FRY: variants seen among roughly 807,000 people sequenced by gnomAD.
The protein encoded by FRY is protein furry homolog.
In FRY, 128 loss-of-function variants were observed where a neutral mutation model predicts 348.4. The ratio of observed to expected loss-of-function variants is 0.37; its 90% CI spans 0.32 to 0.43. The LOEUF (loss-of-function observed/expected upper bound fraction) is 0.43, where lower values mean the gene tolerates loss of function less well. FRY is among the 20% of genes least tolerant of loss of function. The probability of loss-of-function intolerance (pLI) is 1.00; values close to 1 mark genes in which losing one functional copy is unlikely to be tolerated. For missense variants in FRY, 2,736 were observed against 3,695.2 expected (o/e 0.74, Z 6.73); for synonymous variants, 1,370 against 1,374.7 (o/e 1.00, Z 0.08).
chr13:32,158,653 C>T (rs978489206), intron 16 of FRY, among the ~76,000 whole-genome samples: 2 of 152,000 alleles, frequency 1.3e-5, no homozygotes, highest in Admixed American at 1.3e-4. Flanking sequence ...CATGGTGGCT[C>T]ACACCTGTAA....
At chr13:32,292,063 A>G (rs1219783636) in intron 59 of FRY, 2 of 445,330 alleles carry the variant, frequency 4.5e-6, no homozygotes, top group Non-Finnish European at 9.0e-6. Context: ...GCTCACTGCA[A>G]CTGCCACCTC....
At chr13:32,151,070 G>T (rs1299512534) in intron 14 of FRY, among the ~76,000 whole-genome samples, 1 of 152,172 alleles carries the variant, frequency 6.6e-6, no homozygotes, top group Non-Finnish European at 1.5e-5. Flanking sequence ...GCCTTCTCTT[G>T]CTGGGAAGGT....
intron 17 of FRY, among the ~76,000 whole-genome samples, chr13:32,164,084 C>A (rs78654690): frequency 0.022 from 3,345 of 152,214 alleles, 56 homozygotes; most frequent in Non-Finnish European, 0.033. Context: ...ACATAGAGTC[C>A]TATTAACCTG....
chr13:32,158,951 C>CAAA (rs35585320), intron 16 of FRY, among the ~76,000 whole-genome samples: 1,966 of 32,590 alleles, frequency 0.06, 93 homozygotes, highest in African/African-American at 0.082. Flanking sequence ...GCTGTTTCCT[C>CAAA]AAAAAAAAAA....
Position 32,239,295 on chromosome 13 carries a change from G to C in FRY, c.6462G>C (p.Gln2154His), listed in dbSNP as rs1886381970. ...TGTGTCTCCTGCCTCAGCTGATTCA[G>C]CATTTTGAAAATCCCAATCAGTTCT... ...NVLCLLPQLI[Q>H]HFENPNQFCK... The change falls in exon 45 of 61, where the codon CAG (glutamine) becomes CAC (histidine). Residue 2154 changes from glutamine (Q) to histidine (H), a missense_variant. Transcript: ENST00000542859. The surrounding 1 kb of genome is among the most constrained non-coding windows in gnomAD (Gnocchi z 4.3). 6.2e-7 allele frequency: 1 copy of C among 1,612,262 alleles called. No individual in the cohort carries two copies. The highest frequency in any genetic ancestry group is 8.5e-7 in the Non-Finnish European group (1 of 1,178,364).
chr13:32,273,605 C>T (rs1888332295), intron 55 of FRY, among the ~76,000 whole-genome samples: 1 of 152,138 alleles, frequency 6.6e-6, no homozygotes. Flanking sequence ...GAATTAGGCT[C>T]AGTTGAGACA....
intron 59 of FRY, among the ~76,000 whole-genome samples, chr13:32,293,237 A>AACCTAGATAAG (rs1390569699): frequency 6.6e-6 from 1 of 152,206 alleles, no homozygotes; most frequent in East Asian, 1.9e-4. Flanking sequence ...TACACACATA[A>AACCTAGATAAG]TGTTTAAAAC....
chr13:32,165,802 A>C (rs1881699598), intron 17 of FRY, among the ~76,000 whole-genome samples: 1 of 152,206 alleles, frequency 6.6e-6, no homozygotes, highest in South Asian at 2.1e-4. Context: ...AGCTTACCTT[A>C]CACAAGTGTT....
rs117130679 is a variant in FRY, at chr13:32,036,559, A to G, written c.70+4694A>G. On this transcript the variant is annotated intron_variant, in intron 1 of 60. Coordinates refer to ENST00000542859, the MANE Select transcript of FRY (RefSeq NM_023037.3). ...TATAAAATACTATGCTCCATGATTT[A>G]TATAGAGGGCAACCACAAAATTGTT... Among the ~76,000 whole-genome samples, 897 of 152,226 alleles carry G rather than the reference A, an allele frequency of 5.9e-3. 4 individuals are homozygous for G. The highest frequency in any genetic ancestry group is 9.3e-3 in the Non-Finnish European group (631 of 68,012).
chr13:32,274,622 T>G (rs562321445), intron 55 of FRY, among the ~76,000 whole-genome samples: 295 of 139,852 alleles, frequency 2.1e-3, no homozygotes, highest in Non-Finnish European at 3.4e-3. Context: ...GAGAATGGCG[T>G]GAACCTGGGA....
In FRY at chr13:32,096,802, CAAAAA is replaced by C. The variant is rs10680393; in HGVS notation, c.271-5142_271-5138del. Among the ~76,000 whole-genome samples, 4 of 77,604 alleles carry C rather than the reference CAAAAA, an allele frequency of 5.2e-5. No individual in the cohort carries two copies. The East Asian group carries it at 1.5e-3, about 29-fold the overall frequency. 50.9% of individuals were successfully genotyped at this position (77,604 alleles called of 152,430 possible). ...TGGGTGACAGAGCAAGACTCTGTCT[CAAAAA>C]AAAAAAAAAAAAAAAAAAGATAGTA... is the stretch of plus-strand genomic sequence containing the variant. On this transcript the variant is annotated intron_variant, in intron 2 of 60. Coordinates refer to ENST00000542859, the MANE Select transcript of FRY (RefSeq NM_023037.3).
chr13:32,148,474 C>T (rs1369860080), intron 13 of FRY, among the ~76,000 whole-genome samples: 1 of 152,172 alleles, frequency 6.6e-6, no homozygotes, highest in Non-Finnish European at 1.5e-5. Context: ...AAAAACAGGT[C>T]CAGTAATATT....
chr13:32,145,632 C>A (rs1880389789), intron 11 of FRY, among the ~76,000 whole-genome samples: 1 of 149,682 alleles, frequency 6.7e-6, no homozygotes, highest in Non-Finnish European at 1.5e-5. Flanking sequence ...GCAAGCTCCG[C>A]TTCCCGGGTT....
intron 11 of FRY, among the ~76,000 whole-genome samples, chr13:32,144,783 G>T (rs1880297605): frequency 6.6e-6 from 1 of 152,140 alleles, no homozygotes; most frequent in African/African-American, 2.4e-5. Flanking sequence ...GATCTTAGGG[G>T]TAAATAATGT....
intron 10 of FRY, among the ~76,000 whole-genome samples, chr13:32,135,846 G>T (rs141465826): frequency 6.6e-6 from 1 of 152,168 alleles, no homozygotes; most frequent in African/African-American, 2.4e-5. Flanking sequence ...GTCTCCAAAG[G>T]ATGAGCATCC....
intron 55 of FRY, 141 bp downstream of exon 55, chr13:32,267,500 C>T (rs1466281409): frequency 2.7e-6 from 2 of 734,720 alleles, no homozygotes; most frequent in East Asian, 2.7e-5. Flanking sequence ...TTTCCTCTGA[C>T]TTTGAAATTT....
intron 50 of FRY, among the ~76,000 whole-genome samples, chr13:32,252,679 C>A (rs1321324975): frequency 6.6e-6 from 1 of 151,968 alleles, no homozygotes; most frequent in Non-Finnish European, 1.5e-5. Flanking sequence ...TTAGCAAACA[C>A]ATTTCTCGGT....
rs193027602 is a variant in FRY at position 32,172,693 on chromosome 13, C to G, written c.2152-674C>G. Reference sequence around the variant, plus strand: ...TGGCAGTATAGTAGCATCTGGGGAACAGCTGGGATTCCTTAGAGGCTAACC... The same window carrying G: ...TGGCAGTATAGTAGCATCTGGGGAAGAGCTGGGATTCCTTAGAGGCTAACC... On this transcript the variant is annotated intron_variant, in intron 18 of 60. Coordinates refer to ENST00000542859, the MANE Select transcript of FRY (RefSeq NM_023037.3). Among the ~76,000 whole-genome samples, 193 of 152,230 alleles carry G rather than the reference C, an allele frequency of 1.3e-3. 1 individual carries two copies. The highest frequency in any genetic ancestry group is 4.5e-3 in the African/African-American group (185 of 41,536).
At chr13:32,254,075 T>G in intron 50 of FRY, 149 bp from the exon 51 acceptor site, 1 of 780,002 alleles carries the variant, frequency 1.3e-6, no homozygotes, top group Non-Finnish European at 2.2e-6. Context: ...CTGTCCAACA[T>G]AAATAATAAA....
Sources: gnomAD v4.1 joint callset for allele counts (sites outside exome capture counted in the v4.1 genomes callset) on GRCh38, gnomAD v4.1.1 for gene constraint, Gnocchi (gnomAD v3.1) non-coding constraint, MANE v1.5 for transcripts, NCBI Gene and HGNC (gene_info 2026-07-23, HGNC 2026-07-21) for gene names.